The following FAM114A1 variants were observed in gnomAD, a reference collection of about 807,000 sequenced individuals.
The protein encoded by FAM114A1 is protein NOXP20.
A neutral mutation model predicts 64.3 loss-of-function variants in FAM114A1; 62 were observed. That is an observed-to-expected ratio of 0.96 (90% CI 0.79 to 1.19). The LOEUF is 1.19. FAM114A1 is among the 50% of genes most tolerant of loss of function. FAM114A1 has a pLI of 0.00. For synonymous variants in FAM114A1, 254 were observed against 251.1 expected (o/e 1.01, Z -0.11); for missense variants, 645 against 676.3 (o/e 0.95, Z 0.51).
Position 38,905,705 on chromosome 4 carries a change from A to G in FAM114A1, c.551-50A>G, listed in dbSNP as rs937615570. 5.0e-6 allele frequency: 8 copies of G among 1,610,178 alleles called. No homozygotes were observed. In the East Asian group the frequency reaches 6.7e-5, roughly 13 times the overall value. ...CATGTGCATAATCAGAGGTTTTCCA[A>G]GTTCAGATCAGCGACGTGAACTCTT... On this transcript the variant is annotated intron_variant, in intron 5 of 14. Transcript: ENST00000358869.
chr4:38,906,720 A>T (rs530963855), intron 6 of FAM114A1, among the ~76,000 whole-genome samples: 1 of 152,204 alleles, frequency 6.6e-6, no homozygotes, highest in East Asian at 1.9e-4. Flanking sequence ...TTTTTAGTAG[A>T]GATGGGGTTT....
intron 3 of FAM114A1, among the ~76,000 whole-genome samples, chr4:38,882,174 C>T (rs1221709547): frequency 4.1e-5 from 6 of 145,234 alleles, no homozygotes; most frequent in East Asian, 2.0e-4. Context: ...TAGCCGGGCG[C>T]GGTGGTGGGC....
rs185537108 is a variant in FAM114A1 at position 38,939,579 on chromosome 4, A to C, written c.1537-1389A>C. Among the ~76,000 whole-genome samples the C allele has an allele frequency of 3.9e-4, 60 of 152,334 alleles. 1 individual carries two copies. Among genetic ancestry groups the C allele is most frequent in the African/African-American group, 1.4e-3 (58 of 41,592 alleles). On this transcript the variant is annotated intron_variant, in intron 13 of 14. Transcript: ENST00000358869. ...TACTAAAATGACTGGGTTTTTAAAGAGGTTTCTCCCAAGGCTCCATCATGA... is the reference window on the plus strand; with the variant it reads ...TACTAAAATGACTGGGTTTTTAAAGCGGTTTCTCCCAAGGCTCCATCATGA...
intron 4 of FAM114A1, among the ~76,000 whole-genome samples, chr4:38,900,171 C>T (rs937291956): frequency 5.3e-5 from 8 of 151,406 alleles, no homozygotes; most frequent in Non-Finnish European, 8.8e-5. Context: ...ATTAGAATGA[C>T]GTTTTGAAAA....
At chr4:38,902,655 G>A (rs1316840938) in intron 4 of FAM114A1, among the ~76,000 whole-genome samples, 1 of 152,222 alleles carries the variant, frequency 6.6e-6, no homozygotes, top group African/African-American at 2.4e-5. Context: ...GTGAGCCAAA[G>A]AGTAGAGGAT....
At chr4:38,918,205 CAA>C (rs1719258623) in intron 8 of FAM114A1, among the ~76,000 whole-genome samples, 1 of 152,146 alleles carries the variant, frequency 6.6e-6, no homozygotes, top group African/African-American at 2.4e-5. Context: ...GCCTGGGCAG[CAA>C]GAGCGAAACT....
Position 38,911,779 on chromosome 4 carries a change from C to T in FAM114A1, c.792+3053C>T, listed in dbSNP as rs529645140. Reference sequence around the variant, plus strand: ...ACGCGTGCACTACCTACATTTCTCACGTATTTTTATCCTAGTGGCACAGGG... The same window carrying T: ...ACGCGTGCACTACCTACATTTCTCATGTATTTTTATCCTAGTGGCACAGGG... On this transcript the variant is annotated intron_variant, in intron 7 of 14. Coordinates refer to ENST00000358869, the MANE Select transcript of FAM114A1 (RefSeq NM_138389.4). 8.0e-5 allele frequency among the ~76,000 whole-genome samples: 12 copies of T among 150,462 alleles called. No individual in the cohort carries two copies. In the South Asian group the frequency reaches 2.3e-3, roughly 29 times the overall value.
At chr4:38,884,957 C>T (rs531459584) in intron 3 of FAM114A1, among the ~76,000 whole-genome samples, 22 of 152,168 alleles carry the variant, frequency 1.4e-4, no homozygotes, top group African/African-American at 4.8e-4. Flanking sequence ...ATCTTGAATA[C>T]TTTTAAAAAT....
chr4:38,877,505 G>A (rs1192285892), intron 2 of FAM114A1, among the ~76,000 whole-genome samples: 2 of 152,178 alleles, frequency 1.3e-5, no homozygotes, highest in African/African-American at 2.4e-5. Context: ...GAGTTCAGGT[G>A]GTAATGCGAG....
intron 7 of FAM114A1, among the ~76,000 whole-genome samples, chr4:38,911,853 T>A (rs1300489969): frequency 1.0e-5 from 1 of 96,144 alleles, no homozygotes; most frequent in African/African-American, 3.8e-5. Context: ...TCTTTTTTTT[T>A]CTTTTTTCTT....
intron 8 of FAM114A1, among the ~76,000 whole-genome samples, chr4:38,918,820 G>T (rs149734761): frequency 3.9e-5 from 6 of 152,050 alleles, no homozygotes; most frequent in Non-Finnish European, 5.9e-5. Flanking sequence ...TTAGAGCCAG[G>T]CATGGTGGCA....
In FAM114A1 at chr4:38,922,725, C is replaced by T. The variant is rs199733429; in HGVS notation, c.946-45C>T. On this transcript the variant is annotated intron_variant, in intron 8 of 14. Coordinates refer to ENST00000358869, the MANE Select transcript of FAM114A1 (RefSeq NM_138389.4). Reference sequence around the variant, plus strand: ...GACCGCTGTGTGTAAACGTTATTAACGAGAAGAAAAGATGACAGTCGTGCT... The same window carrying T: ...GACCGCTGTGTGTAAACGTTATTAATGAGAAGAAAAGATGACAGTCGTGCT... The T allele has an allele frequency of 2.7e-4, 426 of 1,582,444 alleles. 1 individual carries two copies. Among genetic ancestry groups the T allele is most frequent in the South Asian group, 1.3e-3 (107 of 85,346 alleles).
Position 38,944,260 on chromosome 4 carries a change from C to G in FAM114A1, c.*703C>G, listed in dbSNP as rs1721801443. On this transcript the variant is annotated 3_prime_UTR_variant, in exon 15 of 15. Coordinates refer to ENST00000358869, the MANE Select transcript of FAM114A1 (RefSeq NM_138389.4). ...ATTTTTTTTGTATTTTTAGTAGAGA[C>G]AGGGTTTCACCATGTTGGCCAGGAT... The G allele has an allele frequency of 6.6e-6, 1 of 151,990 alleles. No individual in the cohort carries two copies. 9.4% of individuals were successfully genotyped at this position (151,990 alleles called of 1,614,324 possible).
rs771972308 is a variant in FAM114A1 at position 38,911,844 on chromosome 4, C to CT, written c.793-3068dup. 9.1e-3 allele frequency among the ~76,000 whole-genome samples: 1,052 copies of CT among 115,220 alleles called. 17 individuals are homozygous for CT. Among genetic ancestry groups the CT allele is most frequent in the African/African-American group, 0.032 (975 of 30,770 alleles). 75.6% of individuals were successfully genotyped at this position (115,220 alleles called of 152,430 possible). A position where few individuals can be genotyped will look rare whatever the true frequency, so the allele number is the denominator to read the frequency against. ...TTCTTTCTTTCTTCTTTTTTTTTTTCTTTTTTTTTCTTTTTTCTTTTTTTT... is the reference window on the plus strand; with the variant it reads ...TTCTTTCTTTCTTCTTTTTTTTTTTCTTTTTTTTTTCTTTTTTCTTTTTTTT... On this transcript the variant is annotated intron_variant, in intron 7 of 14. Coordinates refer to ENST00000358869, the MANE Select transcript of FAM114A1 (RefSeq NM_138389.4).
chr4:38,879,936 G>A (rs1043254627), intron 3 of FAM114A1, among the ~76,000 whole-genome samples: 6 of 152,024 alleles, frequency 3.9e-5, no homozygotes, highest in African/African-American at 1.5e-4. Flanking sequence ...AGGCATGGTA[G>A]TATGCACCTG....
intron 7 of FAM114A1, among the ~76,000 whole-genome samples, chr4:38,909,053 T>C (rs1347204498): frequency 3.9e-5 from 6 of 152,158 alleles, no homozygotes; most frequent in African/African-American, 1.4e-4. Context: ...AATACACACA[T>C]ATTTTTTCAA....
chr4:38,917,292 C>G (rs923518210), intron 8 of FAM114A1, among the ~76,000 whole-genome samples: 1 of 151,734 alleles, frequency 6.6e-6, no homozygotes, highest in South Asian at 2.1e-4. Context: ...AAGCCGAGAT[C>G]GTGCCACTGC....
chr4:38,923,423 A>G (rs916417089), intron 9 of FAM114A1, among the ~76,000 whole-genome samples: 3 of 151,902 alleles, frequency 2.0e-5, no homozygotes, highest in African/African-American at 7.3e-5. Context: ...GGGTTTCACT[A>G]TGTTGGCCAG....
intron 4 of FAM114A1, among the ~76,000 whole-genome samples, chr4:38,899,038 T>TAG (rs201082032): frequency 0.058 from 6,136 of 105,016 alleles, 195 homozygotes; most frequent in Middle Eastern, 0.18. Context: ...TATATATATA[T>TAG]ATAGACAGAT....
Sources: gnomAD v4.1 joint callset for allele counts (sites outside exome capture counted in the v4.1 genomes callset) on GRCh38, gnomAD v4.1.1 for gene constraint, MANE v1.5 for transcripts, NCBI Gene and HGNC (gene_info 2026-07-23, HGNC 2026-07-21) for gene names.